Variants in THSD4 observed in about 807,000 individuals in gnomAD.
The protein encoded by THSD4 is thrombospondin type-1 domain-containing protein 4.
In THSD4, 69 loss-of-function variants were observed where a neutral mutation model predicts 119.0. The ratio of observed to expected loss-of-function variants is 0.58; its 90% confidence interval spans 0.48 to 0.71. The LOEUF is 0.71. Among genes scored for constraint, THSD4 ranks in the 30% least tolerant of loss-of-function variants. THSD4 has a pLI of 0.00. For missense variants in THSD4, 1,393 were observed against 1,391.1 expected, an observed-to-expected ratio of 1.00 and a Z score of -0.02; for synonymous variants, 524 against 540.4, an observed-to-expected ratio of 0.97 and a Z score of 0.42.
At chr15:71,143,263 A>T (rs1000288049) in intron 2 of THSD4, among the ~76,000 whole-genome samples, 2 of 152,168 alleles carry the variant, frequency 1.3e-5, no homozygotes, top group African/African-American at 4.8e-5. Context: ...ACAAATTAGC[A>T]TGTGTGCTTT....
At chr15:71,346,376 T>C (rs2045660627) in intron 6 of THSD4, among the ~76,000 whole-genome samples, 1 of 152,240 alleles carries the variant, frequency 6.6e-6, no homozygotes, top group African/African-American at 2.4e-5. Context: ...AGCCATTTAT[T>C]GGTGTCAGCA....
intron 10 of THSD4, among the ~76,000 whole-genome samples, chr15:71,734,381 G>C (rs1442119546): frequency 6.6e-6 from 1 of 152,196 alleles, no homozygotes; most frequent in Non-Finnish European, 1.5e-5. Context: ...ATTACTAAGT[G>C]AAAGAGGCCA....
intron 6 of THSD4, among the ~76,000 whole-genome samples, chr15:71,320,332 AAAAC>A (rs1216135565): frequency 6.6e-6 from 1 of 152,218 alleles, no homozygotes; most frequent in African/African-American, 2.4e-5. Context: ...AACCCAGACT[AAAAC>A]AACCTCAAAG....
chr15:71,286,688 G>A (rs1047752474), intron 6 of THSD4, among the ~76,000 whole-genome samples: 1 of 152,132 alleles, frequency 6.6e-6, no homozygotes, highest in Non-Finnish European at 1.5e-5. Flanking sequence ...TTGCTGGGTC[G>A]AATGGTATTT....
chr15:71,711,053 G>T (rs2052501800), intron 8 of THSD4, among the ~76,000 whole-genome samples: 1 of 147,632 alleles, frequency 6.8e-6, no homozygotes, highest in Non-Finnish European at 1.5e-5. Context: ...TATAAAATAT[G>T]CATGATTATT....
chr15:71,297,591 C>T (rs974069081), intron 6 of THSD4, among the ~76,000 whole-genome samples: 3 of 152,142 alleles, frequency 2.0e-5, no homozygotes, highest in African/African-American at 7.2e-5. Flanking sequence ...GCCTTGGCCT[C>T]CCAAAGTGCT....
chr15:71,636,620 A>G (rs2050749699), intron 7 of THSD4, among the ~76,000 whole-genome samples: 2 of 152,020 alleles, frequency 1.3e-5, no homozygotes, highest in South Asian at 2.1e-4. Context: ...ACCTTCCGCT[A>G]TGTTGTTCCT....
chr15:71,288,341 G>A (rs2044746047), intron 6 of THSD4, among the ~76,000 whole-genome samples: 1 of 152,168 alleles, frequency 6.6e-6, no homozygotes, highest in Admixed American at 6.5e-5. Flanking sequence ...TTTGGCAAAT[G>A]TGAATAAACT....
At chr15:71,732,411 C>T (rs1001723464) in intron 10 of THSD4, 2 of 152,232 alleles carry the variant, frequency 1.3e-5, no homozygotes, top group African/African-American at 4.8e-5. Context: ...TGGCACTGGG[C>T]ATGGGACTGC....
At chr15:71,452,604 AATTTATT>A (rs897350100) in intron 7 of THSD4, among the ~76,000 whole-genome samples, 5 of 151,578 alleles carry the variant, frequency 3.3e-5, no homozygotes, top group African/African-American at 9.7e-5. Context: ...TTAGGAGGTA[AATTTATT>A]ATTTATTATT....
rs1030179393 is a variant in THSD4 at position 71,362,565 on chromosome 15, A to C, written c.1016-49122A>C. On this transcript the variant is annotated intron_variant, in intron 6 of 17. Transcript: ENST00000261862. Reference sequence around the variant, plus strand: ...AGACTGTGAAAATAAAATTGGAAGCAAATATGACAAAATGTTAAAGTGAGT... The same window carrying C: ...AGACTGTGAAAATAAAATTGGAAGCCAATATGACAAAATGTTAAAGTGAGT... Among the ~76,000 whole-genome samples the C allele has an allele frequency of 3.9e-5, 6 of 152,220 alleles. No individual in the cohort carries two copies. The South Asian group carries it at 1.2e-3, about 32-fold the overall frequency.
chr15:71,129,541 G>T (rs2040484559), intron 1 of THSD4, among the ~76,000 whole-genome samples: 1 of 152,112 alleles, frequency 6.6e-6, no homozygotes, highest in Admixed American at 6.6e-5. Context: ...TGACCTCTGG[G>T]GGACCCTTGA....
chr15:71,323,123 C>T (rs968763725), intron 6 of THSD4, among the ~76,000 whole-genome samples: 2 of 144,556 alleles, frequency 1.4e-5, no homozygotes, highest in African/African-American at 2.6e-5. Context: ...AAAAAAAGAT[C>T]GTAGTCTTCT....
At position 71,189,609 on chromosome 15, in the gene THSD4, A is replaced by G. The variant is rs533083607; in HGVS notation, c.100-25426A>G. ...GGCGTGAACCCGGGAGGTGGAGCTT[A>G]CAGTGAGCCGAGATCGCGCCACTGC... is the stretch of plus-strand genomic sequence containing the variant. On this transcript the variant is annotated intron_variant, in intron 3 of 17. Transcript: ENST00000261862. Among the ~76,000 whole-genome samples, 14 of 151,996 alleles carry G rather than the reference A, an allele frequency of 9.2e-5. No individual in the cohort carries two copies. The East Asian group carries it at 1.9e-3, about 21-fold the overall frequency.
chr15:71,111,415 A>C, upstream of THSD4: 1 of 1,607,786 alleles, frequency 6.2e-7, no homozygotes, highest in South Asian at 1.1e-5. Context: ...GTAGGTCAGC[A>C]TTCCAGAGTT....
At chr15:71,411,447 C>T (rs984962540) in intron 6 of THSD4, among the ~76,000 whole-genome samples, 1 of 152,094 alleles carries the variant, frequency 6.6e-6, no homozygotes, top group Non-Finnish European at 1.5e-5. Context: ...CTCACAGGCA[C>T]AGGGCTTCTT....
chr15:71,152,305 C>T (rs2040729896), intron 2 of THSD4, among the ~76,000 whole-genome samples: 1 of 152,008 alleles, frequency 6.6e-6, no homozygotes, highest in Middle Eastern at 3.4e-3. Context: ...GCCTGTAATT[C>T]CAGCTACTGG....
intron 7 of THSD4, among the ~76,000 whole-genome samples, chr15:71,500,564 C>T (rs543098043): frequency 5.9e-5 from 9 of 152,262 alleles, no homozygotes; most frequent in Middle Eastern, 3.4e-3. Context: ...TCTAATGTCA[C>T]GAAGGTTTTC....
intron 10 of THSD4, chr15:71,733,892 A>G (rs1355526416): frequency 6.9e-6 from 1 of 144,212 alleles, no homozygotes; most frequent in Non-Finnish European, 1.5e-5. Flanking sequence ...CCTGGGTGAC[A>G]GAGTGAGACT....
Sources: allele counts gnomAD v4.1 joint callset (sites outside exome capture counted in the v4.1 genomes callset), GRCh38; gene constraint gnomAD v4.1.1; transcripts MANE v1.5; gene names NCBI Gene and HGNC (gene_info 2026-07-23, HGNC 2026-07-21).